GLRB: variants seen among roughly 807,000 people sequenced by gnomAD.
GLRB encodes glycine receptor subunit beta.
In GLRB, 33 loss-of-function variants were observed where a neutral mutation model predicts 54.2. The observed-to-expected ratio is 0.61, with a 90% CI of 0.46 to 0.81. The LOEUF is 0.81. GLRB is among the 40% of genes least tolerant of loss of function. The pLI is 0.00. For synonymous variants in GLRB, 209 were observed against 208.2 expected (o/e 1.00, Z -0.03); for missense variants, 572 against 584.6 (o/e 0.98, Z 0.22).
intron 2 of GLRB, among the ~76,000 whole-genome samples, chr4:157,082,323 A>C (rs560774397): frequency 1.3e-5 from 2 of 152,174 alleles, no homozygotes; most frequent in African/African-American, 4.8e-5. Context: ...CCACTCATAC[A>C]TAATACAGTA....
At chr4:157,134,132 T>C (rs889673820) in intron 4 of GLRB, among the ~76,000 whole-genome samples, 5 of 152,138 alleles carry the variant, frequency 3.3e-5, no homozygotes, top group African/African-American at 1.2e-4. Context: ...AATACTAGCA[T>C]TTCTTTAATT....
At chr4:157,113,534 C>A (rs1474222460) in intron 2 of GLRB, among the ~76,000 whole-genome samples, 1 of 151,866 alleles carries the variant, frequency 6.6e-6, no homozygotes, top group Non-Finnish European at 1.5e-5. Context: ...CAACAGATAG[C>A]CTTCAATGAG....
intron 7 of GLRB, 47 bp downstream of exon 7, chr4:157,138,996 A>T (rs760008100): frequency 9.7e-7 from 1 of 1,031,826 alleles, no homozygotes; most frequent in South Asian, 1.3e-5. Context: ...TCAAAGATAC[A>T]TTTTAATTAA....
At chr4:157,090,873 A>G (rs1252960776) in intron 2 of GLRB, among the ~76,000 whole-genome samples, 1 of 152,178 alleles carries the variant, frequency 6.6e-6, no homozygotes, top group Non-Finnish European at 1.5e-5. Context: ...ATGGTGGCTA[A>G]TATTAATTTT....
intron 4 of GLRB, among the ~76,000 whole-genome samples, chr4:157,128,169 A>G (rs1736082683): frequency 6.6e-6 from 1 of 151,894 alleles, no homozygotes; most frequent in African/African-American, 2.4e-5. Context: ...TCTATTAAGG[A>G]TGTAATTTTT....
intron 2 of GLRB, among the ~76,000 whole-genome samples, chr4:157,103,144 C>T (rs1219477505): frequency 4.8e-5 from 7 of 145,148 alleles, no homozygotes; most frequent in East Asian, 2.0e-4. Flanking sequence ...AGAGAGACTC[C>T]GTCTCAAAAA....
In GLRB at chr4:157,088,941, C is replaced by G. The variant is rs565586621; in HGVS notation, c.122+10795C>G. ...TCTTCAACTAGTAGGATAAAATGGC[C>G]TATACTTTTTGAGCTCTAATTCACT... On this transcript the variant is annotated intron_variant, in intron 2 of 9. Transcript: ENST00000264428. 3.9e-5 allele frequency among the ~76,000 whole-genome samples: 6 copies of G among 152,144 alleles called. No individual in the cohort carries two copies. In the South Asian group the frequency reaches 1.2e-3, roughly 32 times the overall value.
At chr4:157,167,178 T>A (rs771389472) in intron 9 of GLRB, among the ~76,000 whole-genome samples, 2 of 152,148 alleles carry the variant, frequency 1.3e-5, no homozygotes, top group Non-Finnish European at 2.9e-5. Flanking sequence ...TCTAAAGCCT[T>A]TATAATGGGG....
At chr4:157,107,434 C>T (rs1309006285) in intron 2 of GLRB, among the ~76,000 whole-genome samples, 2 of 152,124 alleles carry the variant, frequency 1.3e-5, no homozygotes, top group African/African-American at 4.8e-5. Flanking sequence ...AAGTGCCATT[C>T]TCATAGCACA....
At chr4:157,112,076 C>CTT (rs34390735) in intron 2 of GLRB, among the ~76,000 whole-genome samples, 1 of 146,240 alleles carries the variant, frequency 6.8e-6, no homozygotes, top group Non-Finnish European at 1.5e-5. Context: ...AATTCCATGT[C>CTT]TTTTTTTTTT....
chr4:157,096,960 T>C (rs1734835909), intron 2 of GLRB, among the ~76,000 whole-genome samples: 1 of 152,202 alleles, frequency 6.6e-6, no homozygotes, highest in African/African-American at 2.4e-5. Flanking sequence ...TTGTTTCAGT[T>C]CTCAATTTCT....
intron 8 of GLRB, among the ~76,000 whole-genome samples, chr4:157,151,014 A>G (rs2126598700): frequency 6.6e-6 from 1 of 152,214 alleles, no homozygotes; most frequent in African/African-American, 2.4e-5. Context: ...CATGGTATAA[A>G]AAGCCACTAC....
intron 9 of GLRB, among the ~76,000 whole-genome samples, chr4:157,163,427 G>C (rs1376424012): frequency 6.6e-6 from 1 of 152,118 alleles, no homozygotes; most frequent in Non-Finnish European, 1.5e-5. Flanking sequence ...GACTGGAGCT[G>C]TTCCTATTTG....
chr4:157,139,927 T>C (rs1247377242), intron 7 of GLRB, among the ~76,000 whole-genome samples: 1 of 152,000 alleles, frequency 6.6e-6, no homozygotes, highest in African/African-American at 2.4e-5. Context: ...GTCCTCATGA[T>C]GTCATCAAGG....
intron 2 of GLRB, among the ~76,000 whole-genome samples, chr4:157,109,394 A>G (rs910211634): frequency 6.6e-6 from 1 of 151,800 alleles, no homozygotes; most frequent in Non-Finnish European, 1.5e-5. Flanking sequence ...CTTCTTCTGT[A>G]ATTCCCATAA....
intron 2 of GLRB, among the ~76,000 whole-genome samples, chr4:157,086,256 C>T (rs1023530904): frequency 1.3e-5 from 2 of 152,100 alleles, no homozygotes; most frequent in African/African-American, 4.8e-5. Flanking sequence ...TTTACTAGTC[C>T]CTCAGAGCTC....
At chr4:157,079,553 G>T (rs756432546) in intron 2 of GLRB, among the ~76,000 whole-genome samples, 26 of 152,136 alleles carry the variant, frequency 1.7e-4, no homozygotes, top group Non-Finnish European at 3.4e-4. Flanking sequence ...TTCTAGTGCT[G>T]CAGCATATTC....
intron 9 of GLRB, among the ~76,000 whole-genome samples, chr4:157,158,891 G>A (rs1737348452): frequency 6.6e-6 from 1 of 151,986 alleles, no homozygotes; most frequent in Non-Finnish European, 1.5e-5. Flanking sequence ...AGCTTGATGG[G>A]ATGGCATTGA....
In GLRB at chr4:157,118,767, G is replaced by A. The variant is rs1370706358; in HGVS notation, c.123-1789G>A. 3.3e-5 allele frequency among the ~76,000 whole-genome samples: 5 copies of A among 151,512 alleles called. No homozygotes were observed. In the Admixed American group the frequency reaches 3.3e-4, roughly 10 times the overall value. Reference sequence around the variant, plus strand: ...AACTCAGAAATGCCTAATAGATAAAGACTTTTGATTTCAATACAAAGCCAA... The same window carrying A: ...AACTCAGAAATGCCTAATAGATAAAAACTTTTGATTTCAATACAAAGCCAA... On this transcript the variant is annotated intron_variant, in intron 2 of 9. Coordinates refer to ENST00000264428, the MANE Select transcript of GLRB (RefSeq NM_000824.5).
Sources: allele counts gnomAD v4.1 joint callset (sites outside exome capture counted in the v4.1 genomes callset), GRCh38; gene constraint gnomAD v4.1.1; transcripts MANE v1.5; gene names NCBI Gene and HGNC (gene_info 2026-07-23, HGNC 2026-07-21).